TNXB: variants seen among roughly 807,000 people sequenced by gnomAD.
TNXB encodes the protein tenascin-X.
In TNXB, 183 loss-of-function variants were observed where a neutral mutation model predicts 340.5. That is an observed-to-expected ratio of 0.54 (90% CI 0.48 to 0.61). The LOEUF (loss-of-function observed/expected upper bound fraction) is 0.61. TNXB is among the 20% of genes least tolerant of loss of function. The pLI, the probability that TNXB is intolerant of heterozygous loss-of-function variation, is 0.00. For missense variants in TNXB, 4,613 were observed against 5,446.4 expected (o/e 0.85, Z 4.82); for synonymous variants, 2,121 against 2,314.5 (o/e 0.92, Z 2.40).
At chr6:32,095,054 T>A (rs560089507) in intron 4 of TNXB, 22 bp downstream of exon 4, 1 of 1,539,576 alleles carries the variant, frequency 6.5e-7, no homozygotes, top group East Asian at 2.4e-5. Context: ...AGTCCCCTCC[T>A]GGAGCCTGGC....
intron 21 of TNXB, among the ~76,000 whole-genome samples, chr6:32,060,440 T>C (rs1777940417): frequency 6.7e-6 from 1 of 148,800 alleles, no homozygotes; most frequent in Admixed American, 6.6e-5. Flanking sequence ...CTCTTTTCCC[T>C]TTCCCTGATT....
chr6:32,046,662 C>T lies in TNXB; in HGVS notation c.10325-206G>A, dbSNP rs1776907686. On this transcript the variant is annotated intron_variant, in intron 30 of 43. Coordinates refer to ENST00000644971, the MANE Select transcript of TNXB (RefSeq NM_001365276.2). The surrounding 1 kb of genome is among the most constrained non-coding windows in gnomAD (Gnocchi z 6.9). Reference sequence around the variant, plus strand: ...CCCTCCTCCTCTGGAGGCTGCTGCCCAAACTCCTTCCTGCCCCGCCCCTTC... The same window carrying T: ...CCCTCCTCCTCTGGAGGCTGCTGCCTAAACTCCTTCCTGCCCCGCCCCTTC... 1 of 481,072 alleles carries T rather than the reference C, an allele frequency of 2.1e-6. No homozygotes were observed. Among genetic ancestry groups the T allele is most frequent in the Admixed American group, 3.3e-5 (1 of 30,094 alleles). The allele number at this position is 481,072 out of a possible 1,614,324, so 29.8% of individuals were successfully genotyped here. A position where few individuals can be genotyped will look rare whatever the true frequency, so the allele number is the denominator to read the frequency against.
chr6:32,067,054 C>T lies in TNXB; in HGVS notation c.6544+607G>A, dbSNP rs926337513. Among the ~76,000 whole-genome samples, 16 of 145,556 alleles carry T rather than the reference C, an allele frequency of 1.1e-4. No individual in the cohort carries two copies. Among genetic ancestry groups the T allele is most frequent in the South Asian group, 4.4e-4 (2 of 4,542 alleles). ...CTGTGCCAGTACACTCTAGCCCAGGCGACAGAGTGAGACCTTGTCTAAAAA... is the reference window on the plus strand; with the variant it reads ...CTGTGCCAGTACACTCTAGCCCAGGTGACAGAGTGAGACCTTGTCTAAAAA... On this transcript the variant is annotated intron_variant, in intron 18 of 43. Transcript: ENST00000644971. This position sits in a 1 kb window ranked among gnomAD's most constrained non-coding sequence, Gnocchi z 4.2.
In TNXB at chr6:32,067,179, G is replaced by GA. The variant is rs1033869794; in HGVS notation, c.6544+481dup. ...AGAAAGAAAGAAAGAAAGAAAGAAA[G>GA]AAAGAAAACATTCTAGTGATTCTAG... On this transcript the variant is annotated intron_variant, in intron 18 of 43. Coordinates refer to ENST00000644971, the MANE Select transcript of TNXB (RefSeq NM_001365276.2). This position sits in a 1 kb window ranked among gnomAD's most constrained non-coding sequence, Gnocchi z 4.2. Among the ~76,000 whole-genome samples the GA allele has an allele frequency of 6.7e-6, 1 of 150,324 alleles. No homozygotes were observed. The highest frequency in any genetic ancestry group is 2.4e-5 in the African/African-American group (1 of 40,988).
chr6:32,053,553 C>T lies in TNXB; in HGVS notation c.8626G>A (p.Val2876Ile). 6.2e-7 allele frequency: 1 copy of T among 1,613,676 alleles called. No individual in the cohort carries two copies. Among genetic ancestry groups the T allele is most frequent in the Middle Eastern group, 1.7e-4 (1 of 5,974 alleles). The change falls in exon 25 of 44, where the codon GTC becomes ATC. Residue 2876 changes from valine to isoleucine, a missense_variant. Coordinates refer to ENST00000644971, the MANE Select transcript of TNXB (RefSeq NM_001365276.2). ...VPEGQFDHFLVQYRNGDGQPK... is the reference protein window; with the variant it reads ...VPEGQFDHFLIQYRNGDGQPK... The stretch of plus-strand genomic sequence containing the variant: ...TGCCCATCCCCATTCCTGTACTGGA[C>T]CAGGAAGTGGTCAAACTGGCCCTCG...
In TNXB at chr6:32,058,379, C is replaced by T; in HGVS notation, c.7504G>A (p.Asp2502Asn). 6.2e-7 allele frequency: 1 copy of T among 1,603,112 alleles called. No homozygotes were observed. The highest frequency in any genetic ancestry group is 2.2e-5 in the East Asian group (1 of 44,772). Residue 2502 changes from aspartate to asparagine, a missense_variant, in exon 22 of 44, where the codon GAT becomes AAT. Asp to Asn is a conservative substitution (Grantham distance 23). This residue lies in a region of TNXB where 4,327 missense variants were observed against 4,859.4 expected (regional missense o/e 0.89). Coordinates refer to ENST00000644971, the MANE Select transcript of TNXB (RefSeq NM_001365276.2). This position sits in a 1 kb window ranked among gnomAD's most constrained non-coding sequence, Gnocchi z 5.1. ...GTAGGGCTGGGGGTCTCGTCCACAT[C>T]CTCTTGTGGGGCTGAAAGGTAATAT... ...STVGVTAPQEDVDETPSPTEP... is the reference protein window; with the variant it reads ...STVGVTAPQENVDETPSPTEP...
At position 32,072,419 on chromosome 6, in the gene TNXB, C is replaced by A; in HGVS notation, c.4682-121G>T. ...AATAGTTACACCTTTACTTCCAGAC[C>A]TCTAACTGAAATGCAGCATTTCTTT... On this transcript the variant is annotated intron_variant, in intron 12 of 43. Coordinates refer to ENST00000644971, the MANE Select transcript of TNXB (RefSeq NM_001365276.2). The surrounding 1 kb of genome is among the most constrained non-coding windows in gnomAD (Gnocchi z 4.4). 2 of 739,956 alleles carry A rather than the reference C, an allele frequency of 2.7e-6. No homozygotes were observed. The highest frequency in any genetic ancestry group is 4.0e-6 in the Non-Finnish European group (2 of 496,102). 45.8% of individuals were successfully genotyped at this position (739,956 alleles called of 1,614,324 possible).
At chr6:32,055,037 C>G (rs1433566224) in intron 24 of TNXB, among the ~76,000 whole-genome samples, 1 of 152,232 alleles carries the variant, frequency 6.6e-6, no homozygotes, top group Non-Finnish European at 1.5e-5. Flanking sequence ...TCCAGCTAAT[C>G]TGAGTGATAG....
chr6:32,095,415 C>G (rs1780274948), intron 3 of TNXB, among the ~76,000 whole-genome samples, 196 bp downstream of exon 3: 3 of 152,180 alleles, frequency 2.0e-5, no homozygotes, highest in Admixed American at 2.0e-4. Context: ...TGGGCCCCAA[C>G]CTGCTCCTCA....
Position 32,061,752 on chromosome 6 carries a change from G to A in TNXB, c.7169-32C>T, listed in dbSNP as rs1562814357. 1 of 1,600,074 alleles carries A rather than the reference G, an allele frequency of 6.2e-7. No individual in the cohort carries two copies. The highest frequency in any genetic ancestry group is 8.5e-7 in the Non-Finnish European group (1 of 1,171,122). On this transcript the variant is annotated intron_variant, in intron 20 of 43. Coordinates refer to ENST00000644971, the MANE Select transcript of TNXB (RefSeq NM_001365276.2). The surrounding 1 kb of genome is among the most constrained non-coding windows in gnomAD (Gnocchi z 4.4). ...AAAAGGGACACAGAGAGGATGGCAG[G>A]GTCCCTGGGGGATGTGCTTACGTCG...
chr6:32,104,708 C>T (rs1225784865), intron 1 of TNXB, among the ~76,000 whole-genome samples: 5 of 151,946 alleles, frequency 3.3e-5, no homozygotes, highest in African/African-American at 7.3e-5. Context: ...GATCATAGCT[C>T]GCTGCAGCAT....
At chr6:32,078,121 A>AAGAAAG (rs1554327426) in intron 11 of TNXB, among the ~76,000 whole-genome samples, 81 of 144,600 alleles carry the variant, frequency 5.6e-4, no homozygotes, top group Non-Finnish European at 2.8e-4. Context: ...GAAAGAAAGA[A>AAGAAAG]AGAAAGAAAG....
chr6:32,052,575 G>T lies in TNXB; in HGVS notation c.9115+95C>A. The T allele has an allele frequency of 6.8e-7, 1 of 1,480,378 alleles. No individual in the cohort carries two copies. The highest frequency in any genetic ancestry group is 9.1e-7 in the Non-Finnish European group (1 of 1,093,082). The allele number at this position is 1,480,378 out of a possible 1,614,324, so 91.7% of individuals were successfully genotyped here. On this transcript the variant is annotated intron_variant, in intron 26 of 43. Transcript: ENST00000644971. This position sits in a 1 kb window ranked among gnomAD's most constrained non-coding sequence, Gnocchi z 4.7. ...CAGGCATTTGGATACACAAAGGAAG[G>T]AATACTCTTCAGAGTATGTTTTCAC...
chr6:32,097,454 A>G lies in TNXB; in HGVS notation c.404-5T>C. ...GGGTCCGCACATCTGTCTGACCTGG[A>G]GTAGGAGGGGAGAGGCAAGTCTCAG... On this transcript the variant is annotated splice_region_variant and splice_polypyrimidine_tract_variant and intron_variant, in intron 2 of 43. Transcript: ENST00000644971. This position sits in a 1 kb window ranked among gnomAD's most constrained non-coding sequence, Gnocchi z 5.9. 1.3e-6 allele frequency: 2 copies of G among 1,585,648 alleles called. No homozygotes were observed. The highest frequency in any genetic ancestry group is 2.2e-5 in the East Asian group (1 of 44,498).
chr6:32,062,073 T>C lies in TNXB; in HGVS notation c.7168+84A>G. On this transcript the variant is annotated intron_variant, in intron 20 of 43. Coordinates refer to ENST00000644971, the MANE Select transcript of TNXB (RefSeq NM_001365276.2). The surrounding 1 kb of genome is among the most constrained non-coding windows in gnomAD (Gnocchi z 4.3). ...AGGTCTGTGGTGCTGACCAGACCCG[T>C]CCCATTCCCCACCAGTCATCACCAA... 1.3e-6 allele frequency: 2 copies of C among 1,491,198 alleles called. No homozygotes were observed. The highest frequency in any genetic ancestry group is 2.4e-5 in the East Asian group (1 of 41,120). 92.4% of individuals were successfully genotyped at this position (1,491,198 alleles called of 1,614,324 possible). A position where few individuals can be genotyped will look rare whatever the true frequency, so the allele number is the denominator to read the frequency against.
intron 35 of TNXB, 93 bp downstream of exon 35, chr6:32,043,656 C>T (rs1235688237): frequency 6.3e-7 from 1 of 1,588,876 alleles, no homozygotes; most frequent in Admixed American, 1.7e-5. Context: ...GAGCCTCCAC[C>T]ACCTCCCTTT....
In TNXB at chr6:32,072,251, C is replaced by A; in HGVS notation, c.4729G>T (p.Glu1577Ter). Residue 1577 changes from glutamate (E) to a stop codon, truncating the protein, a stop_gained, in exon 13 of 44, where the codon GAG becomes TAG. Coordinates refer to ENST00000644971, the MANE Select transcript of TNXB (RefSeq NM_001365276.2). LOFTEE classifies it high-confidence loss of function. The surrounding 1 kb of genome is among the most constrained non-coding windows in gnomAD (Gnocchi z 4.4). ...PATEASKPPL[E>*]PRLGELTVTD... ...ACTGTCAGCTCCCCTAGGCGTGGCT[C>A]CAGGGGAGGCTTGGAGGCCTCTGTG... is the stretch of plus-strand genomic sequence containing the variant. The A allele has an allele frequency of 6.2e-7, 1 of 1,608,634 alleles. No individual in the cohort carries two copies. The highest frequency in any genetic ancestry group is 1.1e-5 in the South Asian group (1 of 90,114).
chr6:32,081,469 A>G lies in TNXB; in HGVS notation c.3941T>C (p.Val1314Ala), dbSNP rs780754411. 3 of 1,599,914 alleles carry G rather than the reference A, an allele frequency of 1.9e-6. No homozygotes were observed. In the African/African-American group the frequency reaches 4.0e-5, roughly 21 times the overall value. Residue 1314 changes from valine to alanine, a missense_variant, in exon 10 of 44, where the codon GTT becomes GCT. Transcript: ENST00000644971. This position sits in a 1 kb window ranked among gnomAD's most constrained non-coding sequence, Gnocchi z 5.1. ...GTCGGGATCCAGGCCGGGGACAGTA[A>G]CCTCATTCTCATCCCCCGCAACAGG... ...AVPVAGDENE[V>A]TVPGLDPDRK...
intron 1 of TNXB, among the ~76,000 whole-genome samples, chr6:32,098,425 C>G (rs1181105486): frequency 1.3e-5 from 2 of 152,028 alleles, no homozygotes; most frequent in Non-Finnish European, 2.9e-5. Flanking sequence ...GCTCCTCACC[C>G]CCTTTTCTAT....
Sources: gnomAD v4.1 joint callset for allele counts (sites outside exome capture counted in the v4.1 genomes callset) on GRCh38, gnomAD v4.1.1 for gene constraint, gnomAD v4.1.1 regional missense constraint, Gnocchi (gnomAD v3.1) non-coding constraint, MANE v1.5 for transcripts, NCBI Gene and HGNC (gene_info 2026-07-23, HGNC 2026-07-21) for gene names.